The following GALNT13 variants were observed in gnomAD, a reference collection of about 807,000 sequenced individuals.
The protein encoded by GALNT13 is polypeptide N-acetylgalactosaminyltransferase 13, also known as UDP-GalNAc:polypeptide N-acetylgalactosaminyltransferase 13.
A neutral mutation model predicts 64.2 loss-of-function variants in GALNT13; 28 were observed. That is an observed-to-expected ratio of 0.44 (90% confidence interval 0.32 to 0.60). The LOEUF is 0.60. Ranked by LOEUF, GALNT13 falls within the 20% of genes least tolerant of loss-of-function variation. The pLI is 0.05. For missense variants in GALNT13, 577 were observed against 669.8 expected, an observed-to-expected ratio of 0.86 and a Z score of 1.53; for synonymous variants, 214 against 224.6, an observed-to-expected ratio of 0.95 and a Z score of 0.42.
upstream of GALNT13, among the ~76,000 whole-genome samples, chr2:153,868,538 A>T (rs1685801942): frequency 6.6e-6 from 1 of 152,164 alleles, no homozygotes; most frequent in Admixed American, 6.5e-5. Flanking sequence ...TATATAATAC[A>T]TTTTCCTTTA....
the GALNT13 span, among the ~76,000 whole-genome samples, chr2:153,175,479 A>T: frequency 1.2e-4 from 19 of 152,152 alleles, no homozygotes; most frequent in Non-Finnish European, 4.4e-5. Context: ...AATTGACGGG[A>T]GCCTATGGAT....
At chr2:153,839,476 T>G in the GALNT13 span, among the ~76,000 whole-genome samples, 1 of 151,928 alleles carries the variant, frequency 6.6e-6, no homozygotes, top group Non-Finnish European at 1.5e-5. Flanking sequence ...GAAAAGACAT[T>G]GAATTTTGTC....
the GALNT13 span, among the ~76,000 whole-genome samples, chr2:153,147,590 C>G: frequency 6.8e-6 from 1 of 146,590 alleles, no homozygotes; most frequent in Admixed American, 6.9e-5. Flanking sequence ...AAATCGGTTA[C>G]AGTAATTAGA....
At chr2:153,782,703 T>C in the GALNT13 span, among the ~76,000 whole-genome samples, 2 of 152,174 alleles carry the variant, frequency 1.3e-5, no homozygotes, top group Non-Finnish European at 2.9e-5. Context: ...CTACAAGCCA[T>C]GGAGTCTTGG....
At chr2:153,490,057 G>C in the GALNT13 span, among the ~76,000 whole-genome samples, 2 of 152,050 alleles carry the variant, frequency 1.3e-5, no homozygotes, top group Non-Finnish European at 2.9e-5. Flanking sequence ...GCAACATTCA[G>C]TGATGCTGAT....
the GALNT13 span, among the ~76,000 whole-genome samples, chr2:153,264,715 T>C: frequency 6.6e-6 from 1 of 152,162 alleles, no homozygotes; most frequent in African/African-American, 2.4e-5. Flanking sequence ...AACCAAACAC[T>C]GCTTGTACTC....
chr2:153,435,333 A>G, the GALNT13 span, among the ~76,000 whole-genome samples: 1 of 152,132 alleles, frequency 6.6e-6, no homozygotes. Flanking sequence ...TTCCATATGA[A>G]CTTTAAAGTA....
chr2:154,324,803 A>G (rs1056817629), intron 9 of GALNT13, among the ~76,000 whole-genome samples: 10 of 152,070 alleles, frequency 6.6e-5, no homozygotes, highest in Non-Finnish European at 1.2e-4. Context: ...CACCGGCAGG[A>G]GTGTGGTTGC....
In GALNT13 at chr2:153,996,578, C is replaced by T. The variant is rs575521411; in HGVS notation, c.142+51939C>T. Among the ~76,000 whole-genome samples, 32 of 152,120 alleles carry T rather than the reference C, an allele frequency of 2.1e-4. 1 individual carries two copies. The highest frequency in any genetic ancestry group is 7.7e-4 in the African/African-American group (32 of 41,514). ...TTCTTCATATATTCTGGATGTTAAC[C>T]CCTTGTCAGATGCATAGTTTGCAAA... On this transcript the variant is annotated intron_variant, in intron 3 of 12. Transcript: ENST00000392825.
At chr2:154,161,099 C>G (rs1272673437) in intron 4 of GALNT13, among the ~76,000 whole-genome samples, 1 of 152,142 alleles carries the variant, frequency 6.6e-6, no homozygotes, top group Non-Finnish European at 1.5e-5. Flanking sequence ...CAAAGTTTTA[C>G]TCTTTCTTCT....
chr2:153,315,474 T>A, the GALNT13 span, among the ~76,000 whole-genome samples: 1 of 152,200 alleles, frequency 6.6e-6, no homozygotes. Context: ...TGGGAAAACA[T>A]AATCATTCAG....
intron 3 of GALNT13, among the ~76,000 whole-genome samples, chr2:154,073,333 A>C (rs1006684928): frequency 6.6e-6 from 1 of 152,020 alleles, no homozygotes; most frequent in Admixed American, 6.6e-5. Context: ...TGGATGTTAA[A>C]ACTTGGGTAT....
chr2:153,507,148 C>A, the GALNT13 span, among the ~76,000 whole-genome samples: 1 of 152,086 alleles, frequency 6.6e-6, no homozygotes, highest in South Asian at 2.1e-4. Context: ...ATTGCTGAGA[C>A]TTTCCAGTGC....
At chr2:153,941,917 A>G (rs1439982857) in intron 2 of GALNT13, among the ~76,000 whole-genome samples, 1 of 152,216 alleles carries the variant, frequency 6.6e-6, no homozygotes, top group African/African-American at 2.4e-5. Context: ...CTTAATATAT[A>G]GCACTAGCAG....
the GALNT13 span, among the ~76,000 whole-genome samples, chr2:153,525,399 G>A: frequency 1.3e-5 from 2 of 152,120 alleles, no homozygotes; most frequent in African/African-American, 4.8e-5. Flanking sequence ...GTTTTGCACC[G>A]TAAGCACCAG....
chr2:153,398,307 T>G, the GALNT13 span, among the ~76,000 whole-genome samples: 1 of 152,336 alleles, frequency 6.6e-6, no homozygotes. Flanking sequence ...CACATTTTCT[T>G]AATCCAGTCT....
At chr2:153,098,174 C>G in the GALNT13 span, among the ~76,000 whole-genome samples, 1 of 152,158 alleles carries the variant, frequency 6.6e-6, no homozygotes, top group Non-Finnish European at 1.5e-5. Flanking sequence ...ATGCTCACTA[C>G]CAGTCTTTGG....
intron 3 of GALNT13, among the ~76,000 whole-genome samples, chr2:153,957,532 G>A (rs1181103381): frequency 6.6e-6 from 1 of 152,178 alleles, no homozygotes; most frequent in African/African-American, 2.4e-5. Context: ...AATTGATGGA[G>A]AGCCTTTTTT....
chr2:154,053,491 A>G (rs1699751456), intron 3 of GALNT13, among the ~76,000 whole-genome samples: 1 of 151,748 alleles, frequency 6.6e-6, no homozygotes, highest in South Asian at 2.1e-4. Context: ...CCTGGATTTT[A>G]TATTAAATCA....
Sources: gnomAD v4.1 joint callset for allele counts (sites outside exome capture counted in the v4.1 genomes callset) on GRCh38, gnomAD v4.1.1 for gene constraint, MANE v1.5 for transcripts, NCBI Gene and HGNC (gene_info 2026-07-23, HGNC 2026-07-21) for gene names.